SFT2D2: variants seen among roughly 807,000 people sequenced by gnomAD.
SFT2D2 encodes the protein SFT2 domain containing 2.
A neutral mutation model predicts 27.4 loss-of-function variants in SFT2D2; 21 were observed. That is an observed-to-expected ratio of 0.77 (90% confidence interval 0.54 to 1.10). SFT2D2 has a LOEUF of 1.10. Among genes scored for constraint, SFT2D2 ranks in the 50% least tolerant of loss-of-function variants. The pLI, the probability that SFT2D2 is intolerant of heterozygous loss-of-function variation, is 0.00. For missense variants in SFT2D2, 187 were observed against 194.2 expected, an observed-to-expected ratio of 0.96 and a Z score of 0.22; for synonymous variants, 72 against 71.7, an observed-to-expected ratio of 1.00 and a Z score of -0.02.
At chr1:168,226,723 A>G (rs1462989509) in intron 1 of SFT2D2, among the ~76,000 whole-genome samples, 1 of 152,220 alleles carries the variant, frequency 6.6e-6, no homozygotes, top group Non-Finnish European at 1.5e-5. Flanking sequence ...GACAGGGACC[A>G]CATCTTGTGT....
At chr1:168,237,573 T>C (rs1213139222) in intron 6 of SFT2D2, among the ~76,000 whole-genome samples, 1 of 152,202 alleles carries the variant, frequency 6.6e-6, no homozygotes, top group East Asian at 1.9e-4. Context: ...TAGATGTGAC[T>C]CACCTATTTT....
intron 1 of SFT2D2, among the ~76,000 whole-genome samples, chr1:168,226,842 CAG>C (rs1700466154): frequency 1.3e-5 from 2 of 152,016 alleles, no homozygotes; most frequent in Admixed American, 1.3e-4. Context: ...TTTTCTGAGA[CAG>C]AGTCTCACTC....
rs1558176979 is a variant in SFT2D2, at chr1:168,236,770, G to A, written c.413G>A (p.Trp138Ter). 6.2e-7 allele frequency: 1 copy of A among 1,614,108 alleles called. No homozygotes were observed. The highest frequency in any genetic ancestry group is 8.5e-7 in the Non-Finnish European group (1 of 1,179,972). The change falls in exon 6 of 8, where the codon TGG becomes TAG. Residue 138 changes from tryptophan (W) to a stop codon, truncating the protein, a stop_gained and splice_region_variant. Coordinates refer to ENST00000271375, the MANE Select transcript of SFT2D2 (RefSeq NM_199344.3). LOFTEE classifies it high-confidence loss of function. Reference protein sequence around the residue: ...FCILQSLALTWYSLSFIPFAR... With the variant: ...FCILQSLALT ...ATTTTGCAGTCTTTGGCATTGACGTGGTAAGTAACCTTTTAAACAATCCCC... is the reference window on the plus strand; with the variant it reads ...ATTTTGCAGTCTTTGGCATTGACGTAGTAAGTAACCTTTTAAACAATCCCC...
chr1:168,236,301 A>C (rs1210379088), intron 4 of SFT2D2, among the ~76,000 whole-genome samples: 1 of 152,230 alleles, frequency 6.6e-6, no homozygotes, highest in Non-Finnish European at 1.5e-5. Flanking sequence ...GAATGAAAAG[A>C]TGGATGGACG....
At chr1:168,234,975 GCA>G in intron 3 of SFT2D2, 124 bp from the exon 4 acceptor site, 1 of 846,316 alleles carries the variant, frequency 1.2e-6, no homozygotes, top group African/African-American at 1.7e-5. Context: ...AGGCCCTTCA[GCA>G]CAGTCAGAAT....
chr1:168,242,604 A>C lies in SFT2D2; in HGVS notation c.*64A>C. The C allele has an allele frequency of 6.3e-7, 1 of 1,588,788 alleles. No individual in the cohort carries two copies. The highest frequency in any genetic ancestry group is 1.1e-5 in the South Asian group (1 of 90,502). On this transcript the variant is annotated 3_prime_UTR_variant, in exon 8 of 8. Transcript: ENST00000271375. ...GACAGAAGCTGGTGGACAGTTTTGTAACTATCTTCGAAACCTCTGTCTTAC... is the reference window on the plus strand; with the variant it reads ...GACAGAAGCTGGTGGACAGTTTTGTCACTATCTTCGAAACCTCTGTCTTAC...
rs775957403 is a variant in SFT2D2, at chr1:168,235,121, C to A, written c.257C>A (p.Pro86Gln). ...TTTAGTACCATCTTCCTCATGGGAC[C>A]AGTGAAACAGCTGAAGCGAATGTTT... is the stretch of plus-strand genomic sequence containing the variant. The part of the protein sequence containing the change: ...SIGSTIFLMG[P>Q]VKQLKRMFEP... The change falls in exon 4 of 8, where the codon CCA (proline) becomes CAA (glutamine). Residue 86 changes from proline (P) to glutamine (Q), a missense_variant. Coordinates refer to ENST00000271375, the MANE Select transcript of SFT2D2 (RefSeq NM_199344.3). The A allele has an allele frequency of 1.9e-6, 3 of 1,614,046 alleles. No homozygotes were observed. In the Admixed American group the frequency reaches 5.0e-5, roughly 27 times the overall value.
chr1:168,234,687 G>A (rs908110511), intron 3 of SFT2D2, among the ~76,000 whole-genome samples: 2 of 152,156 alleles, frequency 1.3e-5, no homozygotes, highest in Non-Finnish European at 2.9e-5. Context: ...AGCTACCTAA[G>A]CCTGTAAGGT....
intron 7 of SFT2D2, among the ~76,000 whole-genome samples, chr1:168,241,126 A>G (rs1372359465): frequency 1.3e-5 from 2 of 151,392 alleles, no homozygotes; most frequent in African/African-American, 4.9e-5. Context: ...TATTTGAGAT[A>G]GTGAGTTTCA....
At position 168,247,050 on chromosome 1, in the gene SFT2D2, G is replaced by GT; in HGVS notation, c.*4515dup. 1 of 429,890 alleles carries GT rather than the reference G, an allele frequency of 2.3e-6. No homozygotes were observed. Among genetic ancestry groups the GT allele is most frequent in the South Asian group, 1.8e-5 (1 of 55,070 alleles). The allele number at this position is 429,890 out of a possible 1,614,324, so 26.6% of individuals were successfully genotyped here. On this transcript the variant is annotated 3_prime_UTR_variant, in exon 8 of 8. Transcript: ENST00000271375. The stretch of plus-strand genomic sequence containing the variant: ...CTGCAGAGTTCTTGTTCCCATTCAA[G>GT]TTTTTGATATTCTGTGATATTTCTT...
rs1049707549 is a variant in SFT2D2 at position 168,249,213 on chromosome 1, T to C, written c.*6673T>C. 2 of 152,220 alleles carry C rather than the reference T, an allele frequency of 1.3e-5. No individual in the cohort carries two copies. The highest frequency in any genetic ancestry group is 4.8e-5 in the African/African-American group (2 of 41,450). 9.4% of individuals were successfully genotyped at this position (152,220 alleles called of 1,614,324 possible). On this transcript the variant is annotated 3_prime_UTR_variant, in exon 8 of 8. Coordinates refer to ENST00000271375, the MANE Select transcript of SFT2D2 (RefSeq NM_199344.3). ...TCTTTCCTGCTTTCTCTTGTGGGCA[T>C]TTAGTGCTATAAATTTCCCTCTACA...
rs1647934492 is a variant in SFT2D2, at chr1:168,250,796, A to G, written c.*8256A>G. ...CAGTTCTGCTCCTCTGCATAGCCGT[A>G]GCTCAGATCCTAGCTCAAGATGTCT... On this transcript the variant is annotated 3_prime_UTR_variant, in exon 8 of 8. Transcript: ENST00000271375. 1 of 152,210 alleles carries G rather than the reference A, an allele frequency of 6.6e-6. No individual in the cohort carries two copies. The highest frequency in any genetic ancestry group is 1.5e-5 in the Non-Finnish European group (1 of 68,066). The allele number at this position is 152,210 out of a possible 1,614,324, so 9.4% of individuals were successfully genotyped here.
At chr1:168,241,982 A>G (rs911964649) in intron 7 of SFT2D2, among the ~76,000 whole-genome samples, 1 of 152,180 alleles carries the variant, frequency 6.6e-6, no homozygotes, top group African/African-American at 2.4e-5. Context: ...AATTTCTTGA[A>G]GACCAACTCT....
rs1647803883 is a variant in SFT2D2, at chr1:168,246,082, C to G, written c.*3542C>G. ...GTTGTTGATTGTTTAGGACGTCACC[C>G]TGTTTTTGTTGAAGTTGTCTCACAA... On this transcript the variant is annotated 3_prime_UTR_variant, in exon 8 of 8. Transcript: ENST00000271375. The G allele has an allele frequency of 4.3e-6, 1 of 230,478 alleles. No homozygotes were observed. The highest frequency in any genetic ancestry group is 2.4e-5 in the African/African-American group (1 of 42,158). The allele number at this position is 230,478 out of a possible 1,614,324, so 14.3% of individuals were successfully genotyped here. A position where few individuals can be genotyped will look rare whatever the true frequency, so the allele number is the denominator to read the frequency against.
intron 1 of SFT2D2, among the ~76,000 whole-genome samples, chr1:168,229,026 C>T (rs529077204): frequency 3.9e-4 from 60 of 152,206 alleles, no homozygotes; most frequent in Non-Finnish European, 5.1e-4. Context: ...AACTTGCAAC[C>T]ACATGTAATG....
intron 6 of SFT2D2, among the ~76,000 whole-genome samples, chr1:168,238,264 AT>A (rs2102331910): frequency 6.6e-6 from 1 of 152,054 alleles, no homozygotes; most frequent in African/African-American, 2.4e-5. Context: ...CTTCTTTTTT[AT>A]TCTCTTTTCT....
Position 168,243,914 on chromosome 1 carries a change from T to C in SFT2D2, c.*1374T>C, listed in dbSNP as rs559556670. The C allele has an allele frequency of 1.0e-4, 16 of 152,654 alleles. No homozygotes were observed. Among genetic ancestry groups the C allele is most frequent in the African/African-American group, 3.8e-4 (16 of 41,594 alleles). 9.5% of individuals were successfully genotyped at this position (152,654 alleles called of 1,614,324 possible). ...TGTTCACTGTCCCTTGTGTTCCCTT[T>C]CAGCTCCTCCTTGTTGCCTGACTAC... On this transcript the variant is annotated 3_prime_UTR_variant, in exon 8 of 8. Coordinates refer to ENST00000271375, the MANE Select transcript of SFT2D2 (RefSeq NM_199344.3).
In SFT2D2 at chr1:168,250,699, A is replaced by C. The variant is rs1302446566; in HGVS notation, c.*8159A>C. 1 of 152,094 alleles carries C rather than the reference A, an allele frequency of 6.6e-6. No individual in the cohort carries two copies. The highest frequency in any genetic ancestry group is 1.9e-4 in the East Asian group (1 of 5,186). 9.4% of individuals were successfully genotyped at this position (152,094 alleles called of 1,614,324 possible). A position where few individuals can be genotyped will look rare whatever the true frequency, so the allele number is the denominator to read the frequency against. ...TTGGGTATTGGGCGTGCTGTGTACT[A>C]ACTCACTCCCGTCTCTTGTCTCATT... On this transcript the variant is annotated 3_prime_UTR_variant, in exon 8 of 8. Transcript: ENST00000271375.
rs1308568555 is a variant in SFT2D2, at chr1:168,246,967, T to A, written c.*4427T>A. The A allele has an allele frequency of 1.6e-6, 1 of 635,398 alleles. No homozygotes were observed. The highest frequency in any genetic ancestry group is 1.4e-5 in the South Asian group (1 of 71,990). The allele number at this position is 635,398 out of a possible 1,614,324, so 39.4% of individuals were successfully genotyped here. On this transcript the variant is annotated 3_prime_UTR_variant, in exon 8 of 8. Coordinates refer to ENST00000271375, the MANE Select transcript of SFT2D2 (RefSeq NM_199344.3). ...CTGAGCCTGGCAATTTCATCTTGCA[T>A]CAAATGGTTTTTATGCAACAGGTCT...
Sources: allele counts gnomAD v4.1 joint callset (sites outside exome capture counted in the v4.1 genomes callset), GRCh38; gene constraint gnomAD v4.1.1; transcripts MANE v1.5; gene names NCBI Gene and HGNC (gene_info 2026-07-23, HGNC 2026-07-21).